PLPPR1: variants seen among roughly 807,000 people sequenced by gnomAD.
PLPPR1 encodes the protein phospholipid phosphatase-related protein type 1.
In PLPPR1, 10 loss-of-function variants were observed where a neutral mutation model predicts 33.1. The ratio of observed to expected loss-of-function variants is 0.30; its 90% confidence interval spans 0.19 to 0.51. PLPPR1 has a LOEUF of 0.51. Ranked by LOEUF, PLPPR1 falls within the 20% of genes least tolerant of loss-of-function variation. The probability of loss-of-function intolerance (pLI) is 0.97; values close to 1 mark genes in which losing one functional copy is unlikely to be tolerated. For synonymous variants in PLPPR1, 151 were observed against 151.0 expected (o/e 1.00, Z 0.00); for missense variants, 304 against 408.1 (o/e 0.74, Z 2.20).
At chr9:101,110,571 C>G (rs1373468341) in intron 1 of PLPPR1, among the ~76,000 whole-genome samples, 1 of 151,994 alleles carries the variant, frequency 6.6e-6, no homozygotes, top group African/African-American at 2.4e-5. Flanking sequence ...TTTTTATGAG[C>G]CATGATATAT....
intron 1 of PLPPR1, among the ~76,000 whole-genome samples, chr9:101,125,254 CTATT>C (rs1178855257): frequency 6.6e-6 from 1 of 150,396 alleles, no homozygotes; most frequent in African/African-American, 2.5e-5. Flanking sequence ...GTCCCTATCT[CTATT>C]TATCTCTATC....
At chr9:101,295,603 G>T (rs1237546549) in intron 4 of PLPPR1, among the ~76,000 whole-genome samples, 2 of 149,374 alleles carry the variant, frequency 1.3e-5, no homozygotes, top group African/African-American at 4.9e-5. Flanking sequence ...CCAAAACAGA[G>T]ATATAGATCA....
At chr9:101,308,106 C>G (rs1828887284) in intron 4 of PLPPR1, among the ~76,000 whole-genome samples, 1 of 152,180 alleles carries the variant, frequency 6.6e-6, no homozygotes, top group South Asian at 2.1e-4. Context: ...ATAATGCACC[C>G]TTCCCCACCA....
At chr9:101,316,944 C>T (rs566742259) in intron 6 of PLPPR1, among the ~76,000 whole-genome samples, 2 of 152,200 alleles carry the variant, frequency 1.3e-5, no homozygotes, top group South Asian at 2.1e-4. Flanking sequence ...CCTGTGCCCC[C>T]CTATCTAGAC....
At chr9:101,299,942 A>G (rs7862376) in intron 4 of PLPPR1, among the ~76,000 whole-genome samples, 14,428 of 152,120 alleles carry the variant, frequency 0.095, 1,498 homozygotes, top group African/African-American at 0.26. Flanking sequence ...AAATGTCTCC[A>G]AACATTACAA....
chr9:101,094,467 T>A (rs981661765), intron 1 of PLPPR1, among the ~76,000 whole-genome samples: 3 of 152,110 alleles, frequency 2.0e-5, no homozygotes, highest in Non-Finnish European at 4.4e-5. Flanking sequence ...ACCAAACCCA[T>A]GCATAATTAG....
intron 1 of PLPPR1, among the ~76,000 whole-genome samples, chr9:101,146,752 G>C (rs1831526072): frequency 6.6e-6 from 1 of 152,184 alleles, no homozygotes; most frequent in African/African-American, 2.4e-5. Context: ...TGAGTTCTCA[G>C]TGATGACACA....
At chr9:101,211,929 A>T (rs959870355) in intron 2 of PLPPR1, among the ~76,000 whole-genome samples, 1 of 152,242 alleles carries the variant, frequency 6.6e-6, no homozygotes, top group Non-Finnish European at 1.5e-5. Context: ...AAGGAAACAA[A>T]TACAGAGAGG....
chr9:101,303,327 G>GTT (rs1828787745), intron 4 of PLPPR1, among the ~76,000 whole-genome samples: 1 of 142,598 alleles, frequency 7.0e-6, no homozygotes, highest in South Asian at 2.3e-4. Flanking sequence ...TTGAGAAGGA[G>GTT]TTTTACTCTT....
chr9:101,158,512 G>A (rs1403700594), intron 1 of PLPPR1, among the ~76,000 whole-genome samples: 1 of 152,214 alleles, frequency 6.6e-6, no homozygotes, highest in African/African-American at 2.4e-5. Context: ...CAGTAGTGGA[G>A]TGGGACAGTG....
intron 1 of PLPPR1, among the ~76,000 whole-genome samples, chr9:101,077,568 GA>G (rs1400330400): frequency 1.3e-5 from 2 of 152,198 alleles, no homozygotes; most frequent in Non-Finnish European, 2.9e-5. Context: ...TTAGTGTGCA[GA>G]AAATTTATTG....
intron 2 of PLPPR1, among the ~76,000 whole-genome samples, chr9:101,263,350 A>G (rs1827934322): frequency 6.6e-6 from 1 of 152,118 alleles, no homozygotes; most frequent in Non-Finnish European, 1.5e-5. Context: ...TCCTTATTGC[A>G]TTGACTGTTA....
intron 2 of PLPPR1, among the ~76,000 whole-genome samples, chr9:101,206,717 G>T (rs1826594741): frequency 6.6e-6 from 1 of 152,100 alleles, no homozygotes; most frequent in South Asian, 2.1e-4. Context: ...TTCATCTGTT[G>T]AATGTCTACC....
intron 2 of PLPPR1, among the ~76,000 whole-genome samples, chr9:101,221,057 C>G (rs1826922986): frequency 6.6e-6 from 1 of 152,126 alleles, no homozygotes. Flanking sequence ...TACCCCTCTC[C>G]CTGTTCTATT....
chr9:101,183,496 T>A (rs1168835337), intron 1 of PLPPR1, among the ~76,000 whole-genome samples: 1 of 151,748 alleles, frequency 6.6e-6, no homozygotes, highest in Non-Finnish European at 1.5e-5. Flanking sequence ...CTTTGGGATA[T>A]GGTGAAGGAG....
At chr9:101,317,279 C>A in intron 6 of PLPPR1, 86 bp from the exon 7 acceptor site, 2 of 1,417,832 alleles carry the variant, frequency 1.4e-6, no homozygotes, top group South Asian at 2.6e-5. Flanking sequence ...TGATGATATT[C>A]AAGGGGAAAG....
At chr9:101,320,746 TGA>T (rs1588125865) in intron 7 of PLPPR1, among the ~76,000 whole-genome samples, 1 of 152,232 alleles carries the variant, frequency 6.6e-6, no homozygotes, top group African/African-American at 2.4e-5. Context: ...TAGCATTTAT[TGA>T]GAGTCACCTC....
chr9:101,268,369 G>C (rs993347690), intron 2 of PLPPR1, among the ~76,000 whole-genome samples: 2 of 152,134 alleles, frequency 1.3e-5, no homozygotes, highest in Non-Finnish European at 1.5e-5. Context: ...AGGCTGTGCT[G>C]GTTCCAGAGA....
At chr9:101,218,319 A>C (rs553131533) in intron 2 of PLPPR1, among the ~76,000 whole-genome samples, 1 of 152,310 alleles carries the variant, frequency 6.6e-6, no homozygotes, top group Non-Finnish European at 1.5e-5. Context: ...TATAAAAACT[A>C]TTGTATGCAT....
Sources: allele counts gnomAD v4.1 joint callset (sites outside exome capture counted in the v4.1 genomes callset), GRCh38; gene constraint gnomAD v4.1.1; transcripts MANE v1.5; gene names NCBI Gene and HGNC (gene_info 2026-07-23, HGNC 2026-07-21).